The following MARCHF1 variants were observed in gnomAD, a reference collection of about 807,000 sequenced individuals.
MARCHF1 encodes E3 ubiquitin-protein ligase MARCHF1.
MARCHF1 carries 40 observed loss-of-function variants against 54.2 expected under a neutral mutation model. The observed-to-expected ratio is 0.74, with a 90% CI of 0.57 to 0.96. MARCHF1 has a LOEUF of 0.96. Ranked by LOEUF, MARCHF1 falls within the 40% of genes least tolerant of loss-of-function variation. The pLI is 0.00. For synonymous variants in MARCHF1, 236 were observed against 236.3 expected, an observed-to-expected ratio of 1.00 and a Z score of 0.01; for missense variants, 586 against 656.5, an observed-to-expected ratio of 0.89 and a Z score of 1.17.
intron 3 of MARCHF1, among the ~76,000 whole-genome samples, chr4:163,931,470 C>T (rs766547011): frequency 6.6e-6 from 1 of 152,062 alleles, no homozygotes; most frequent in Non-Finnish European, 1.5e-5. Flanking sequence ...AAGGAGGCCT[C>T]AGGAGGCGTG....
chr4:164,312,693 A>G (rs1385283966), intron 1 of MARCHF1, among the ~76,000 whole-genome samples: 1 of 152,182 alleles, frequency 6.6e-6, no homozygotes, highest in Non-Finnish European at 1.5e-5. Flanking sequence ...TAAAACCCAC[A>G]GAAGTTCTTA....
chr4:163,644,459 T>C (rs1742676694), intron 5 of MARCHF1, among the ~76,000 whole-genome samples: 1 of 152,152 alleles, frequency 6.6e-6, no homozygotes, highest in African/African-American at 2.4e-5. Context: ...CTCTCAGCTA[T>C]GGTCTGAGAT....
intron 3 of MARCHF1, among the ~76,000 whole-genome samples, chr4:163,912,892 A>C (rs934113869): frequency 6.6e-6 from 1 of 152,230 alleles, no homozygotes; most frequent in African/African-American, 2.4e-5. Context: ...AAAAATACGA[A>C]GAGCTTCATA....
At chr4:163,997,589 G>C (rs1257335160) in intron 2 of MARCHF1, among the ~76,000 whole-genome samples, 1 of 151,862 alleles carries the variant, frequency 6.6e-6, no homozygotes. Flanking sequence ...TTAATTTGGG[G>C]TTTCTGTGAC....
intron 2 of MARCHF1, among the ~76,000 whole-genome samples, chr4:164,037,130 AG>A (rs1456310926): frequency 6.6e-6 from 1 of 152,156 alleles, no homozygotes; most frequent in African/African-American, 2.4e-5. Flanking sequence ...GAGGTTGAGC[AG>A]TTCTGAGGGT....
intron 4 of MARCHF1, among the ~76,000 whole-genome samples, chr4:163,768,999 G>A (rs1211947089): frequency 6.6e-6 from 1 of 152,020 alleles, no homozygotes; most frequent in African/African-American, 2.4e-5. Context: ...TGTATACCAC[G>A]TGAATAAGTC....
At chr4:164,053,904 C>G (rs1560881738) in intron 2 of MARCHF1, among the ~76,000 whole-genome samples, 2 of 152,040 alleles carry the variant, frequency 1.3e-5, no homozygotes, top group African/African-American at 4.8e-5. Context: ...GCAATGGCAA[C>G]AAAGACAAAA....
intron 5 of MARCHF1, among the ~76,000 whole-genome samples, chr4:163,679,651 T>C (rs187657878): frequency 0.012 from 1,769 of 151,914 alleles, 36 homozygotes; most frequent in African/African-American, 0.04. Context: ...CTCGCTCTGT[T>C]GCCCAGGCTG....
chr4:164,168,390 T>C (rs911674372), intron 1 of MARCHF1, among the ~76,000 whole-genome samples: 1 of 152,048 alleles, frequency 6.6e-6, no homozygotes, highest in Non-Finnish European at 1.5e-5. Context: ...ATAATTTTTC[T>C]GTGTATATGT....
intron 4 of MARCHF1, among the ~76,000 whole-genome samples, chr4:163,736,559 G>T (rs1421458126): frequency 2.4e-5 from 3 of 124,004 alleles, no homozygotes; most frequent in South Asian, 6.0e-4. Context: ...TGGGGGGGGG[G>T]ACTATTGTAT....
intron 9 of MARCHF1, 76 bp downstream of exon 9, chr4:163,545,520 G>C: frequency 1.4e-6 from 2 of 1,440,718 alleles, no homozygotes; most frequent in Non-Finnish European, 1.9e-6. Context: ...GCCTAACCTG[G>C]GGAAATAACT....
intron 3 of MARCHF1, among the ~76,000 whole-genome samples, chr4:163,956,202 A>G (rs1008775770): frequency 1.5e-4 from 23 of 152,182 alleles, no homozygotes; most frequent in African/African-American, 5.5e-4. Context: ...AAATTGTTCC[A>G]TAATAGAAAG....
intron 4 of MARCHF1, among the ~76,000 whole-genome samples, chr4:163,721,220 T>C (rs28829673): frequency 2.6e-5 from 4 of 152,186 alleles, no homozygotes; most frequent in African/African-American, 9.7e-5. Context: ...CCTAATTTAT[T>C]GAGAGTTTTT....
intron 2 of MARCHF1, among the ~76,000 whole-genome samples, chr4:164,097,702 T>C (rs972235573): frequency 3.3e-5 from 5 of 152,190 alleles, no homozygotes; most frequent in Admixed American, 6.6e-5. Flanking sequence ...TATGGCACTA[T>C]GGTGACTCTG....
chr4:163,715,178 T>G (rs552679895), intron 4 of MARCHF1, among the ~76,000 whole-genome samples: 10 of 152,256 alleles, frequency 6.6e-5, no homozygotes, highest in Non-Finnish European at 1.3e-4. Context: ...TTATGAATGT[T>G]TGGCAGCAGT....
At chr4:163,632,780 A>C (rs368767549) in intron 5 of MARCHF1, among the ~76,000 whole-genome samples, 25 of 152,366 alleles carry the variant, frequency 1.6e-4, no homozygotes, top group Admixed American at 1.1e-3. Context: ...CTGTAGGCTC[A>C]ACCTCTGGGG....
At chr4:163,626,590 AT>A (rs1741878747) in intron 5 of MARCHF1, among the ~76,000 whole-genome samples, 1 of 152,198 alleles carries the variant, frequency 6.6e-6, no homozygotes, top group African/African-American at 2.4e-5. Context: ...GTGATAGTTC[AT>A]GAGTAACAGG....
chr4:164,023,802 A>C (rs1018163902), intron 2 of MARCHF1, among the ~76,000 whole-genome samples: 1 of 152,192 alleles, frequency 6.6e-6, no homozygotes, highest in Non-Finnish European at 1.5e-5. Flanking sequence ...TTGAGAGCCA[A>C]GAGAAAGTTG....
chr4:163,957,660 A>C (rs112250904), intron 3 of MARCHF1, among the ~76,000 whole-genome samples: 1,534 of 152,136 alleles, frequency 0.01, 13 homozygotes, highest in Non-Finnish European at 0.017. Context: ...GTTTCCTGAT[A>C]AGGAAATAGC....
Sources: gnomAD v4.1 joint callset for allele counts (sites outside exome capture counted in the v4.1 genomes callset) on GRCh38, gnomAD v4.1.1 for gene constraint, MANE v1.5 for transcripts, NCBI Gene and HGNC (gene_info 2026-07-23, HGNC 2026-07-21) for gene names.